Variants in ZNF30 observed in about 807,000 individuals in gnomAD.
ZNF30 encodes zinc finger protein 30 (KOX 28).
In ZNF30, 15 loss-of-function variants were observed where a neutral mutation model predicts 13.2. The observed-to-expected ratio is 1.13, with a 90% confidence interval of 0.76 to 1.75. ZNF30 has a LOEUF of 1.75. Among genes scored for constraint, ZNF30 ranks in the 40% most tolerant of loss-of-function variants. The probability of loss-of-function intolerance (pLI) is 0.00; values close to 1 mark genes in which losing one functional copy is unlikely to be tolerated. For synonymous variants in ZNF30, 223 were observed against 256.6 expected, an observed-to-expected ratio of 0.87 and a Z score of 1.25; for missense variants, 726 against 757.0, an observed-to-expected ratio of 0.96 and a Z score of 0.48.
upstream of ZNF30, chr19:34,923,956 C>G (rs973021392): frequency 1.3e-5 from 2 of 152,182 alleles, no homozygotes; most frequent in African/African-American, 2.4e-5. Context: ...AAGTTCTGCT[C>G]TCCTAGATTA....
rs770315449 is a variant in ZNF30, at chr19:34,944,645, G to A, written c.1679G>A (p.Ser560Asn). 3.1e-6 allele frequency: 5 copies of A among 1,614,198 alleles called. No homozygotes were observed. The South Asian group carries it at 3.3e-5, about 11-fold the overall frequency. The change falls in exon 5 of 5, where the codon AGT becomes AAT. Residue 560 changes from serine (S) to asparagine (N), a missense_variant. By Grantham distance (46) the Ser-to-Asn change is conservative (BLOSUM62 1). Transcript: ENST00000601142. ...TATGGACAACTTATTGGACATCAGA[G>A]TGTTCACACTGGTGAGAAACCTTTT... ...TVYGQLIGHQSVHTGEKPFEC... is the reference protein window; with the variant it reads ...TVYGQLIGHQNVHTGEKPFEC...
intron 2 of ZNF30, among the ~76,000 whole-genome samples, chr19:34,931,390 T>G (rs2012444768): frequency 6.6e-6 from 1 of 152,256 alleles, no homozygotes; most frequent in South Asian, 2.1e-4. Flanking sequence ...ACTTATGATC[T>G]GACATAATGA....
upstream of ZNF30, chr19:34,926,857 C>T (rs1400838802): frequency 2.5e-6 from 1 of 397,340 alleles, no homozygotes; most frequent in African/African-American, 2.1e-5. Flanking sequence ...TGCGCATTCT[C>T]AGCCGGACGG....
Position 34,944,524 on chromosome 19 carries a change from G to A in ZNF30, c.1558G>A (p.Ala520Thr). 6.2e-7 allele frequency: 1 copy of A among 1,614,040 alleles called. No homozygotes were observed. Among genetic ancestry groups the A allele is most frequent in the Non-Finnish European group, 8.5e-7 (1 of 1,180,008 alleles). Residue 520 changes from alanine (A) to threonine (T), a missense_variant, in exon 5 of 5, where the codon GCC becomes ACC. By Grantham distance (58) the Ala-to-Thr change is moderately conservative. Transcript: ENST00000601142. ...KPYECKECGK[A>T]FSSGSYLVQH... ...CTATGAGTGTAAGGAGTGTGGCAAGGCCTTCAGTTCTGGCTCATACCTTGT... is the reference window on the plus strand; with the variant it reads ...CTATGAGTGTAAGGAGTGTGGCAAGACCTTCAGTTCTGGCTCATACCTTGT...
chr19:34,937,479 C>T (rs1156367843), intron 4 of ZNF30, among the ~76,000 whole-genome samples: 1 of 151,986 alleles, frequency 6.6e-6, no homozygotes, highest in Non-Finnish European at 1.5e-5. Flanking sequence ...TCCTATAATC[C>T]CAACACTTTG....
intron 1 of ZNF30, among the ~76,000 whole-genome samples, chr19:34,928,555 G>A (rs939629381): frequency 1.3e-5 from 2 of 152,022 alleles, no homozygotes; most frequent in African/African-American, 4.8e-5. Flanking sequence ...TATGGTGGCC[G>A]GGTGCGGTGG....
At chr19:34,931,583 A>G in intron 2 of ZNF30, among the ~76,000 whole-genome samples, 1 of 152,072 alleles carries the variant, frequency 6.6e-6, no homozygotes, top group East Asian at 1.9e-4. Context: ...CTTTGTATGT[A>G]CTCTTTTACT....
intron 4 of ZNF30, among the ~76,000 whole-genome samples, chr19:34,936,577 G>T (rs1415205215): frequency 6.6e-6 from 1 of 152,140 alleles, no homozygotes; most frequent in African/African-American, 2.4e-5. Flanking sequence ...CTGGAGCTCA[G>T]GGAGAGTTTA....
rs919936630 is a variant in ZNF30 at position 34,944,862 on chromosome 19, C to T, written c.*24C>T. The T allele has an allele frequency of 1.3e-6, 2 of 1,532,814 alleles. No individual in the cohort carries two copies. The highest frequency in any genetic ancestry group is 8.8e-7 in the Non-Finnish European group (1 of 1,138,670). The allele number at this position is 1,532,814 out of a possible 1,614,324, so 95.0% of individuals were successfully genotyped here. ...AAGAGTCTGAGGAGTGTGGGAAGTGCTTCGTGTGTGGCTCAAACATTGTTG... is the reference window on the plus strand; with the variant it reads ...AAGAGTCTGAGGAGTGTGGGAAGTGTTTCGTGTGTGGCTCAAACATTGTTG... On this transcript the variant is annotated 3_prime_UTR_variant, in exon 5 of 5. Coordinates refer to ENST00000601142, the MANE Select transcript of ZNF30 (RefSeq NM_194325.3).
chr19:34,928,208 T>TAA (rs386388919), intron 1 of ZNF30, among the ~76,000 whole-genome samples: 4,422 of 68,716 alleles, frequency 0.064, 334 homozygotes, highest in Admixed American at 0.12. Context: ...ATCCCTTCTC[T>TAA]AAAAAAAAAA....
upstream of ZNF30, among the ~76,000 whole-genome samples, chr19:34,924,665 T>C (rs1383055444): frequency 6.6e-6 from 1 of 152,240 alleles, no homozygotes; most frequent in Admixed American, 6.5e-5. Flanking sequence ...TTGTCTCCGA[T>C]TGACATGAAT....
intron 4 of ZNF30, among the ~76,000 whole-genome samples, chr19:34,935,700 G>GTTTTTT (rs142285130): frequency 1.2e-5 from 1 of 84,222 alleles, no homozygotes; most frequent in Non-Finnish European, 2.2e-5. Context: ...GTTGTCTATA[G>GTTTTTT]TTTTTTTTTT....
upstream of ZNF30, chr19:34,926,809 C>T (rs941805517): frequency 2.5e-6 from 1 of 396,094 alleles, no homozygotes; most frequent in African/African-American, 2.1e-5. Flanking sequence ...GCCCCAGCTT[C>T]GAGGTCTATG....
chr19:34,943,320 A>G lies in ZNF30; in HGVS notation c.354A>G (p.Lys118=), dbSNP rs1240000142. 1.2e-6 allele frequency: 2 copies of G among 1,613,996 alleles called. No homozygotes were observed. The highest frequency in any genetic ancestry group is 3.3e-5 in the Admixed American group (2 of 60,024). ...FALHQKISRQ[K]PRECQEYGKT... is the part of the protein sequence containing the mutation. ...TACATCAGAAAATAAGTAGACAGAA[A>G]CCACGTGAATGTCAGGAATATGGAA... The change falls in exon 5 of 5, where the codon AAA becomes AAG. Residue 118 remains lysine, a synonymous_variant. Coordinates refer to ENST00000601142, the MANE Select transcript of ZNF30 (RefSeq NM_194325.3).
intron 1 of ZNF30, among the ~76,000 whole-genome samples, chr19:34,928,815 C>T (rs1301998963): frequency 6.6e-6 from 1 of 151,902 alleles, no homozygotes; most frequent in East Asian, 1.9e-4. Context: ...CTGTCTCAAA[C>T]AAACAAACAA....
chr19:34,924,415 CT>C (rs1158217406), upstream of ZNF30, among the ~76,000 whole-genome samples: 2 of 152,198 alleles, frequency 1.3e-5, no homozygotes, highest in Non-Finnish European at 2.9e-5. Flanking sequence ...CCCCTCACCC[CT>C]GAACATAAAT....
chr19:34,924,494 G>C (rs1462897472), upstream of ZNF30, among the ~76,000 whole-genome samples: 1 of 152,084 alleles, frequency 6.6e-6, no homozygotes, highest in Non-Finnish European at 1.5e-5. Flanking sequence ...CCATCTCAGA[G>C]AGCACATTGT....
At chr19:34,929,858 CCTTTT>C in intron 1 of ZNF30, 21 bp from the exon 2 acceptor site, 2 of 1,247,644 alleles carry the variant, frequency 1.6e-6, no homozygotes, top group Non-Finnish European at 2.2e-6. Flanking sequence ...ACTAAAGCCT[CCTTTT>C]CTCCTCTCTG....
intron 4 of ZNF30, among the ~76,000 whole-genome samples, chr19:34,934,955 C>T (rs555387478): frequency 6.0e-4 from 91 of 152,214 alleles, no homozygotes; most frequent in Non-Finnish European, 9.7e-4. Context: ...ACAGGCCGGG[C>T]GCGGTGGCTC....
Sources: allele counts gnomAD v4.1 joint callset (sites outside exome capture counted in the v4.1 genomes callset), GRCh38; gene constraint gnomAD v4.1.1; transcripts MANE v1.5; gene names NCBI Gene and HGNC (gene_info 2026-07-23, HGNC 2026-07-21).